Variants in ASXL3 observed in about 807,000 individuals in gnomAD.
The protein encoded by ASXL3 is ASXL transcriptional regulator 3.
In ASXL3, 34 loss-of-function variants were observed where a neutral mutation model predicts 170.6. The observed-to-expected ratio is 0.20, with a 90% CI of 0.15 to 0.27. The LOEUF (loss-of-function observed/expected upper bound fraction) is 0.27, where lower values mean the gene tolerates loss of function less well. Among genes scored for constraint, ASXL3 ranks in the 10% least tolerant of loss-of-function variants. The pLI, the probability that ASXL3 is intolerant of heterozygous loss-of-function variation, is 1.00. For missense variants in ASXL3, 2,592 were observed against 2,695.3 expected, an observed-to-expected ratio of 0.96 and a Z score of 0.85; for synonymous variants, 1,002 against 989.1, an observed-to-expected ratio of 1.01 and a Z score of -0.24.
chr18:33,681,602 C>T (rs1459976509), intron 7 of ASXL3, among the ~76,000 whole-genome samples: 1 of 151,554 alleles, frequency 6.6e-6, no homozygotes, highest in African/African-American at 2.4e-5. Context: ...TTTTAAGATA[C>T]TCCTTTTATT....
intron 11 of ASXL3, among the ~76,000 whole-genome samples, chr18:33,742,500 T>TGAA (rs1227476141): frequency 4.6e-5 from 7 of 152,194 alleles, no homozygotes; most frequent in Non-Finnish European, 1.0e-4. Flanking sequence ...CAAATAGAGT[T>TGAA]GAAGTTCCAC....
chr18:33,705,986 C>T (rs1401817736), intron 8 of ASXL3, among the ~76,000 whole-genome samples: 1 of 151,826 alleles, frequency 6.6e-6, no homozygotes, highest in African/African-American at 2.4e-5. Context: ...ACTTTATATA[C>T]TGGAATCATT....
intron 7 of ASXL3, among the ~76,000 whole-genome samples, chr18:33,677,061 A>G (rs2066441763): frequency 6.6e-6 from 1 of 152,216 alleles, no homozygotes; most frequent in African/African-American, 2.4e-5. Flanking sequence ...AAGAGTTTAA[A>G]AAGTGCTTGC....
intron 2 of ASXL3, among the ~76,000 whole-genome samples, chr18:33,643,291 A>G (rs2065872686): frequency 2.0e-5 from 3 of 151,972 alleles, no homozygotes; most frequent in Non-Finnish European, 4.4e-5. Context: ...TTCTGGGGAG[A>G]TGAATATATT....
chr18:33,610,703 T>G (rs536365815), intron 2 of ASXL3, among the ~76,000 whole-genome samples: 2 of 152,208 alleles, frequency 1.3e-5, no homozygotes, highest in East Asian at 3.9e-4. Flanking sequence ...GTCAATAATC[T>G]TCATTCTCAA....
Position 33,745,913 on chromosome 18 carries a change from C to T in ASXL3, c.6065C>T (p.Pro2022Leu), listed in dbSNP as rs749152415. The change falls in exon 12 of 12, where the codon CCT becomes CTT. Residue 2022 changes from proline to leucine, a missense_variant. Physicochemically the swap from Pro to Leu is moderately conservative, Grantham distance 98. This residue lies in a region of ASXL3 where 2,246 missense variants were observed against 2,219.6 expected (regional missense o/e 1.01). Transcript: ENST00000269197. ...CTAGTACATCCGCCGCCGCCACCGC[C>T]TCCCCCTCCCCCTCCACCCTTGGCT... ...KALVHPPPPP[P>L]PPPPPPLALP... 6.3e-7 allele frequency: 1 copy of T among 1,579,040 alleles called. No homozygotes were observed. Among genetic ancestry groups the T allele is most frequent in the East Asian group, 2.3e-5 (1 of 43,660 alleles).
chr18:33,738,805 T>G lies in ASXL3; in HGVS notation c.1401T>G (p.Asp467Glu). The change falls in exon 11 of 12, where the codon GAT (aspartate) becomes GAG (glutamate). Residue 467 changes from aspartate (D) to glutamate (E), a missense_variant. Physicochemically the swap from Asp to Glu is conservative, Grantham distance 45. Coordinates refer to ENST00000269197, the MANE Select transcript of ASXL3 (RefSeq NM_030632.3). The stretch of plus-strand genomic sequence containing the variant: ...AGACTAGTATCTGTGAATGCCAGGA[T>G]GAAAATCATAAGACAATACCTGAAT... ...EVETSICECQ[D>E]ENHKTIPEFS... 1.2e-6 allele frequency: 2 copies of G among 1,613,676 alleles called. No homozygotes were observed.
chr18:33,715,274 C>T (rs1431917162), intron 8 of ASXL3, among the ~76,000 whole-genome samples: 1 of 152,202 alleles, frequency 6.6e-6, no homozygotes, highest in African/African-American at 2.4e-5. Flanking sequence ...CTTCGAGAAT[C>T]TTGTTCATTT....
chr18:33,670,263 C>T (rs2066318859), intron 5 of ASXL3, among the ~76,000 whole-genome samples: 1 of 152,182 alleles, frequency 6.6e-6, no homozygotes, highest in Non-Finnish European at 1.5e-5. Flanking sequence ...ATTGACTGAG[C>T]GGTACGCTGG....
intron 7 of ASXL3, among the ~76,000 whole-genome samples, chr18:33,676,953 T>C (rs2066440132): frequency 6.6e-6 from 1 of 152,244 alleles, no homozygotes; most frequent in African/African-American, 2.4e-5. Context: ...CATCTTGATA[T>C]CTTACAATTT....
Position 33,734,400 on chromosome 18 carries a change from G to C in ASXL3, c.1067G>C (p.Arg356Thr). The C allele has an allele frequency of 6.3e-7, 1 of 1,598,056 alleles. No homozygotes were observed. Among genetic ancestry groups the C allele is most frequent in the Non-Finnish European group, 8.5e-7 (1 of 1,172,870 alleles). Residue 356 changes from arginine to threonine, a missense_variant, in exon 10 of 12, where the codon AGG becomes ACG. Physicochemically the swap from Arg to Thr is moderately conservative, Grantham distance 71. Coordinates refer to ENST00000269197, the MANE Select transcript of ASXL3 (RefSeq NM_030632.3). Reference sequence around the variant, plus strand: ...CCTTGGAAAGAAAAATTCTTTGAGAGGTTTTATGGAGAAAAGTAAGTACTA... The same window carrying C: ...CCTTGGAAAGAAAAATTCTTTGAGACGTTTTATGGAGAAAAGTAAGTACTA... ...TEPWKEKFFE[R>T]FYGEKLGMSR...
At chr18:33,727,428 A>G (rs1206486110) in intron 8 of ASXL3, among the ~76,000 whole-genome samples, 1 of 152,148 alleles carries the variant, frequency 6.6e-6, no homozygotes, top group Non-Finnish European at 1.5e-5. Context: ...TCCAGTTGGC[A>G]CCCATTCCTT....
intron 8 of ASXL3, among the ~76,000 whole-genome samples, chr18:33,716,200 C>G (rs1184913826): frequency 6.6e-6 from 1 of 152,146 alleles, no homozygotes; most frequent in Non-Finnish European, 1.5e-5. Flanking sequence ...CTCTGACTTA[C>G]AGATACTGTA....
rs1281184672 is a variant in ASXL3, at chr18:33,739,690, G to C, written c.2286G>C (p.Glu762Asp). ...CAATTTCCAACTCTTCCATAAATGA[G>C]AGAATGGCACATCAGCAAAGAAAGT... The part of the protein sequence containing the change: ...TSPISNSSIN[E>D]RMAHQQRKSP... Residue 762 changes from glutamate to aspartate, a missense_variant, in exon 11 of 12, where the codon GAG becomes GAC. Glu to Asp is a conservative substitution (Grantham distance 45). Around this residue, in one of 4 missense-constraint regions of ASXL3, gnomAD observed 2,246 missense variants for 2,219.6 expected, o/e 1.01. Transcript: ENST00000269197. 1 of 1,613,840 alleles carries C rather than the reference G, an allele frequency of 6.2e-7. No homozygotes were observed.
rs1277604581 is a variant in ASXL3, at chr18:33,578,313, G to A, written c.-319G>A. The stretch of plus-strand genomic sequence containing the variant: ...GGCGCAGCGCGAGCCCCGCACGAGC[G>A]AGCCCGGCCGGCGCCGCCCCCGCCC... On this transcript the variant is annotated 5_prime_UTR_variant, in exon 1 of 12. Coordinates refer to ENST00000269197, the MANE Select transcript of ASXL3 (RefSeq NM_030632.3). 6.9e-6 allele frequency: 1 copy of A among 145,222 alleles called. No homozygotes were observed. The highest frequency in any genetic ancestry group is 2.5e-5 in the African/African-American group (1 of 40,378). 9.0% of individuals were successfully genotyped at this position (145,222 alleles called of 1,614,324 possible). A position where few individuals can be genotyped will look rare whatever the true frequency, so the allele number is the denominator to read the frequency against.
chr18:33,591,807 ACTTTTTTGTATTTT>A (rs1304416154), intron 1 of ASXL3, among the ~76,000 whole-genome samples: 1 of 151,694 alleles, frequency 6.6e-6, no homozygotes, highest in African/African-American at 2.4e-5. Context: ...ACGCCCAGCT[ACTTTTTTGTATTTT>A]TAGTAGAGAT....
chr18:33,618,847 T>C (rs1021397976), intron 2 of ASXL3, among the ~76,000 whole-genome samples: 4 of 152,172 alleles, frequency 2.6e-5, no homozygotes, highest in Non-Finnish European at 4.4e-5. Flanking sequence ...TATTCCAACA[T>C]GTTAAAAAGT....
chr18:33,631,622 G>A (rs543780584), intron 2 of ASXL3, among the ~76,000 whole-genome samples: 2 of 152,158 alleles, frequency 1.3e-5, no homozygotes, highest in South Asian at 4.1e-4. Context: ...TATTTTAATT[G>A]TAATTAAAGG....
intron 7 of ASXL3, among the ~76,000 whole-genome samples, chr18:33,676,922 A>C (rs2066439749): frequency 6.6e-6 from 1 of 152,036 alleles, no homozygotes; most frequent in Admixed American, 6.6e-5. Flanking sequence ...TTAGTAATAT[A>C]CTCTTACCAT....
Sources: gnomAD v4.1 joint callset for allele counts (sites outside exome capture counted in the v4.1 genomes callset) on GRCh38, gnomAD v4.1.1 for gene constraint, gnomAD v4.1.1 regional missense constraint, MANE v1.5 for transcripts, NCBI Gene and HGNC (gene_info 2026-07-23, HGNC 2026-07-21) for gene names.